The following ASCC3 variants were observed in gnomAD, a reference collection of about 807,000 sequenced individuals.
The protein encoded by ASCC3 is activating signal cointegrator 1 complex subunit 3.
Under a neutral mutation model 256.3 loss-of-function variants are expected in ASCC3, and 158 were observed. The observed-to-expected ratio is 0.62, with a 90% CI of 0.54 to 0.70. ASCC3 has a LOEUF of 0.70. Ranked by LOEUF, ASCC3 falls within the 30% of genes least tolerant of loss-of-function variation. The pLI is 0.00. For synonymous variants in ASCC3, 948 were observed against 883.4 expected, an observed-to-expected ratio of 1.07 and a Z score of -1.30; for missense variants, 2,259 against 2,626.0, an observed-to-expected ratio of 0.86 and a Z score of 3.05.
chr6:100,596,818 A>G (rs533778349), intron 34 of ASCC3, among the ~76,000 whole-genome samples: 38 of 152,236 alleles, frequency 2.5e-4, no homozygotes, highest in South Asian at 1.7e-3. Context: ...AAAACTCTGC[A>G]ATGGTTCCTG....
intron 7 of ASCC3, among the ~76,000 whole-genome samples, chr6:100,799,112 C>T (rs1183816374): frequency 6.6e-6 from 1 of 151,908 alleles, no homozygotes; most frequent in African/African-American, 2.4e-5. Flanking sequence ...AGATGGTATA[C>T]CTGAATACAA....
intron 25 of ASCC3, among the ~76,000 whole-genome samples, chr6:100,637,389 C>T (rs1246099859): frequency 6.6e-6 from 1 of 152,144 alleles, no homozygotes; most frequent in African/African-American, 2.4e-5. Context: ...ATGTGACGCT[C>T]ATTGACAATA....
intron 3 of ASCC3, chr6:100,858,521 A>G: frequency 1.1e-6 from 1 of 913,340 alleles, no homozygotes; most frequent in Non-Finnish European, 1.3e-6. Flanking sequence ...TTTTATCATA[A>G]GTAATGTTAG....
At chr6:100,718,017 G>T in intron 12 of ASCC3, 58 bp downstream of exon 12, 1 of 1,537,344 alleles carries the variant, frequency 6.5e-7, no homozygotes. Flanking sequence ...CTCCAAACAA[G>T]TATTCAATAA....
chr6:100,708,565 C>G (rs1582733953), intron 13 of ASCC3, among the ~76,000 whole-genome samples: 1 of 152,022 alleles, frequency 6.6e-6, no homozygotes, highest in East Asian at 1.9e-4. Flanking sequence ...CTGGTAATGT[C>G]TGGAGACAGT....
intron 16 of ASCC3, among the ~76,000 whole-genome samples, chr6:100,661,350 C>T (rs1389317061): frequency 1.3e-5 from 2 of 151,268 alleles, no homozygotes; most frequent in Non-Finnish European, 3.0e-5. Flanking sequence ...CACACACACA[C>T]ACACACACAA....
rs1774978946 is a variant in ASCC3, at chr6:100,532,739, A to T, written c.5775+7424T>A. On this transcript the variant is annotated intron_variant, in intron 37 of 41. Transcript: ENST00000369162. ...ATTAAAACTGCTTTTCATTTACATG[A>T]TTTTGAAATAGACTAGAAAGCTTTC... Among the ~76,000 whole-genome samples, 6 of 152,094 alleles carry T rather than the reference A, an allele frequency of 3.9e-5. No homozygotes were observed. In the South Asian group the frequency reaches 1.0e-3, roughly 26 times the overall value.
intron 36 of ASCC3, among the ~76,000 whole-genome samples, chr6:100,583,539 C>G (rs1217145185): frequency 6.6e-6 from 1 of 152,176 alleles, no homozygotes; most frequent in Middle Eastern, 3.2e-3. Context: ...CAAAAACCAG[C>G]TCCTGAATTC....
intron 10 of ASCC3, among the ~76,000 whole-genome samples, chr6:100,758,511 A>C (rs747826340): frequency 1.3e-5 from 2 of 152,218 alleles, no homozygotes; most frequent in Non-Finnish European, 2.9e-5. Context: ...TTCCTGTATT[A>C]GTCTGCTGAG....
At chr6:100,709,185 C>A (rs1214856643) in intron 13 of ASCC3, among the ~76,000 whole-genome samples, 2 of 152,070 alleles carry the variant, frequency 1.3e-5, no homozygotes, top group South Asian at 2.1e-4. Context: ...ACGGCAAGAC[C>A]ACACAATGTG....
chr6:100,593,782 A>G (rs1326416593), intron 34 of ASCC3, among the ~76,000 whole-genome samples: 1 of 152,086 alleles, frequency 6.6e-6, no homozygotes, highest in African/African-American at 2.4e-5. Context: ...AGCTGAAACT[A>G]CCACATTTTT....
intron 36 of ASCC3, among the ~76,000 whole-genome samples, chr6:100,580,247 A>T (rs1426013351): frequency 6.6e-6 from 1 of 152,046 alleles, no homozygotes; most frequent in African/African-American, 2.4e-5. Context: ...CATAAAGCGT[A>T]AGAATTCTAA....
In ASCC3 at chr6:100,695,097, T is replaced by C. The variant is rs190262872; in HGVS notation, c.2152-15345A>G. On this transcript the variant is annotated intron_variant, in intron 13 of 41. Coordinates refer to ENST00000369162, the MANE Select transcript of ASCC3 (RefSeq NM_006828.4). ...ACATAACTTCACTTCTGTTGTATTATTGTTACAAAGCCAATAGGGCTTAAT... is the reference window on the plus strand; with the variant it reads ...ACATAACTTCACTTCTGTTGTATTACTGTTACAAAGCCAATAGGGCTTAAT... 2.4e-3 allele frequency among the ~76,000 whole-genome samples: 373 copies of C among 152,306 alleles called. 2 individuals are homozygous for C. The highest frequency in any genetic ancestry group is 8.5e-3 in the African/African-American group (354 of 41,568).
intron 8 of ASCC3, among the ~76,000 whole-genome samples, chr6:100,797,007 T>C (rs1769650281): frequency 6.6e-6 from 1 of 152,034 alleles, no homozygotes; most frequent in Non-Finnish European, 1.5e-5. Flanking sequence ...GCAGAGGGAA[T>C]TAACCTACTC....
intron 36 of ASCC3, among the ~76,000 whole-genome samples, chr6:100,570,499 T>G (rs1391321599): frequency 2.6e-5 from 4 of 152,160 alleles, no homozygotes; most frequent in African/African-American, 9.7e-5. Context: ...CCACCTGGTT[T>G]CCAGGACAAT....
intron 17 of ASCC3, among the ~76,000 whole-genome samples, chr6:100,654,120 C>T (rs1775806706): frequency 6.6e-6 from 1 of 151,942 alleles, no homozygotes; most frequent in Admixed American, 6.6e-5. Flanking sequence ...TCAGCAAATA[C>T]AAAAAGTCTT....
chr6:100,587,639 G>C (rs978682389), intron 36 of ASCC3, among the ~76,000 whole-genome samples: 1 of 152,174 alleles, frequency 6.6e-6, no homozygotes, highest in Non-Finnish European at 1.5e-5. Flanking sequence ...TTATGGGGTA[G>C]ACCAAACCAT....
At chr6:100,864,997 AG>A (rs1773411684) in intron 2 of ASCC3, among the ~76,000 whole-genome samples, 1 of 152,230 alleles carries the variant, frequency 6.6e-6, no homozygotes, top group Non-Finnish European at 1.5e-5. Flanking sequence ...GTAGTGGGTC[AG>A]GTAGAAAGCA....
intron 24 of ASCC3, among the ~76,000 whole-genome samples, chr6:100,640,609 C>T (rs1775076005): frequency 6.6e-6 from 1 of 152,102 alleles, no homozygotes; most frequent in African/African-American, 2.4e-5. Flanking sequence ...AAGCACCAAA[C>T]ATTTTTTATA....
Sources: allele counts gnomAD v4.1 joint callset (sites outside exome capture counted in the v4.1 genomes callset), GRCh38; gene constraint gnomAD v4.1.1; transcripts MANE v1.5; gene names NCBI Gene and HGNC (gene_info 2026-07-23, HGNC 2026-07-21).